SYTL5: variants seen among roughly 807,000 people sequenced by gnomAD.
SYTL5 encodes the protein synaptotagmin like 5.
A neutral mutation model predicts 55.9 loss-of-function variants in SYTL5; 34 were observed. The ratio of observed to expected loss-of-function variants is 0.61; its 90% CI spans 0.46 to 0.81. SYTL5 has a LOEUF of 0.81. Ranked by LOEUF, SYTL5 falls within the 30% of genes least tolerant of loss-of-function variation. The probability of loss-of-function intolerance (pLI) is 0.00; values close to 1 mark genes in which losing one functional copy is unlikely to be tolerated. For synonymous variants in SYTL5, 221 were observed against 188.7 expected, an observed-to-expected ratio of 1.17 and a Z score of -1.40; for missense variants, 637 against 546.7, an observed-to-expected ratio of 1.17 and a Z score of -1.65.
At position 38,052,146 on chromosome X, in the gene SYTL5, G is replaced by T. The variant is rs145738233; in HGVS notation, c.120-2067G>T. Among the ~76,000 whole-genome samples the T allele has an allele frequency of 3.4e-3, 379 of 111,919 alleles. 1 individual carries two copies. Among genetic ancestry groups the T allele is most frequent in the African/African-American group, 0.012 (362 of 30,776 alleles). On this transcript the variant is annotated intron_variant, in intron 2 of 16. Coordinates refer to ENST00000297875, the MANE Select transcript of SYTL5 (RefSeq NM_138780.3). ...GAACTGAAAGCCCAGGGAGTTGGAT[G>T]TGTTATGCCCAGGAATGATGTACTC... is the stretch of plus-strand genomic sequence containing the variant.
rs1302407258 is a variant in SYTL5, at chrX:38,128,233, G to A, written c.*1503G>A. 1 of 112,314 alleles carries A rather than the reference G, an allele frequency of 8.9e-6. No homozygotes were observed. Among genetic ancestry groups the A allele is most frequent in the Non-Finnish European group, 1.9e-5 (1 of 53,270 alleles). The allele number at this position is 112,314 out of a possible 1,213,427, so 9.3% of individuals were successfully genotyped here. A position where few individuals can be genotyped will look rare whatever the true frequency, so the allele number is the denominator to read the frequency against. On this transcript the variant is annotated 3_prime_UTR_variant, in exon 17 of 17. Coordinates refer to ENST00000297875, the MANE Select transcript of SYTL5 (RefSeq NM_138780.3). ...GATAACTTGCCCAAGGCCATATAGAGGCTGTGACTAAATCTGGACTTAAAT... is the reference window on the plus strand; with the variant it reads ...GATAACTTGCCCAAGGCCATATAGAAGCTGTGACTAAATCTGGACTTAAAT...
At chrX:37,984,272 T>C in the SYTL5 span, among the ~76,000 whole-genome samples, 9 of 111,739 alleles carry the variant, frequency 8.1e-5, no homozygotes, top group African/African-American at 2.6e-4. Flanking sequence ...AGAATTCATA[T>C]TGCTGGAATC....
At chrX:38,034,651 T>C (rs1935051703) in intron 2 of SYTL5, among the ~76,000 whole-genome samples, 1 of 111,953 alleles carries the variant, frequency 8.9e-6, no homozygotes. Flanking sequence ...CAGTTGAATT[T>C]CATATCCACT....
Position 38,108,644 on chromosome X carries a change from A to G in SYTL5, c.1379A>G (p.Lys460Arg). Residue 460 changes from lysine to arginine, a missense_variant, in exon 12 of 17, where the codon AAG (lysine) becomes AGG (arginine). Lys to Arg is a conservative substitution (Grantham distance 26). Transcript: ENST00000297875. Reference sequence around the variant, plus strand: ...CTTCCTGACAAGTCCCGGAACAACAAGCGTAAGACCAAAATCAGAACAGGC... The same window carrying G: ...CTTCCTGACAAGTCCCGGAACAACAGGCGTAAGACCAAAATCAGAACAGGC... ...YLLPDKSRNN[K>R]RKTKIRTGTN... 3 of 1,204,786 alleles carry G rather than the reference A, an allele frequency of 2.5e-6. No homozygotes were observed. The highest frequency in any genetic ancestry group is 3.4e-6 in the Non-Finnish European group (3 of 891,139).
At chrX:37,903,528 C>T in the SYTL5 span, among the ~76,000 whole-genome samples, 4 of 86,023 alleles carry the variant, frequency 4.6e-5, no homozygotes, top group Non-Finnish European at 8.7e-5. Context: ...GGAAGGGGAA[C>T]ATCACACACT....
At chrX:37,936,035 T>C in the SYTL5 span, among the ~76,000 whole-genome samples, 1 of 111,993 alleles carries the variant, frequency 8.9e-6, no homozygotes, top group African/African-American at 3.2e-5. Context: ...GAAAAAGATA[T>C]ACCATGCAAA....
At chrX:37,926,057 G>T in the SYTL5 span, among the ~76,000 whole-genome samples, 1 of 111,701 alleles carries the variant, frequency 9.0e-6, no homozygotes, top group Admixed American at 9.5e-5. Flanking sequence ...GAATTGTGAT[G>T]CTATAAACAT....
At chrX:37,904,029 A>T in the SYTL5 span, among the ~76,000 whole-genome samples, 40 of 111,140 alleles carry the variant, frequency 3.6e-4, 1 homozygote, top group East Asian at 0.011. Flanking sequence ...TAAACCTAGG[A>T]CCTAACACAA....
rs1935615685 is a variant in SYTL5, at chrX:38,051,257, A to G, written c.120-2956A>G. Among the ~76,000 whole-genome samples, 4 of 111,957 alleles carry G rather than the reference A, an allele frequency of 3.6e-5. No homozygotes were observed. The Admixed American group carries it at 3.8e-4, about 11-fold the overall frequency. Reference sequence around the variant, plus strand: ...TCTTTACAGGCTATGGGAAAGAGGTATAAATTTCATTAAAAATATAAAGGA... The same window carrying G: ...TCTTTACAGGCTATGGGAAAGAGGTGTAAATTTCATTAAAAATATAAAGGA... On this transcript the variant is annotated intron_variant, in intron 2 of 16. Transcript: ENST00000297875.
chrX:37,998,452 G>C, the SYTL5 span, among the ~76,000 whole-genome samples: 2 of 112,025 alleles, frequency 1.8e-5, no homozygotes, highest in Non-Finnish European at 3.8e-5. Context: ...AGCTGTGGAA[G>C]CTGCTTGTCG....
the SYTL5 span, among the ~76,000 whole-genome samples, chrX:37,943,178 A>G: frequency 7.1e-5 from 8 of 112,434 alleles, no homozygotes; most frequent in African/African-American, 2.6e-4. Flanking sequence ...TACATTTGTT[A>G]AAGGGAAGAC....
intron 6 of SYTL5, among the ~76,000 whole-genome samples, chrX:38,080,394 C>T (rs758302251): frequency 1.8e-5 from 2 of 111,551 alleles, no homozygotes; most frequent in Non-Finnish European, 3.8e-5. Context: ...TGTTTGGTCT[C>T]GTAACCAACT....
Position 38,102,548 on chromosome X carries a change from G to A in SYTL5, c.1155+114G>A. 1.5e-5 allele frequency: 8 copies of A among 528,609 alleles called. No individual in the cohort carries two copies. The South Asian group carries it at 2.5e-4, about 17-fold the overall frequency. 43.6% of individuals were successfully genotyped at this position (528,609 alleles called of 1,213,427 possible). A position where few individuals can be genotyped will look rare whatever the true frequency, so the allele number is the denominator to read the frequency against. On this transcript the variant is annotated intron_variant, in intron 10 of 16. Coordinates refer to ENST00000297875, the MANE Select transcript of SYTL5 (RefSeq NM_138780.3). ...GAAAATGTGTGATAATGAGTTAAAA[G>A]TCATTGTAAGATCCTGCTTGCCCTT...
intron 1 of SYTL5, among the ~76,000 whole-genome samples, chrX:38,017,611 C>T (rs1420483605): frequency 9.1e-6 from 1 of 109,745 alleles, no homozygotes; most frequent in Admixed American, 9.7e-5. Flanking sequence ...TGCTTATTCT[C>T]ATGGCCCGAT....
At chrX:38,006,265 C>G (rs893820992), upstream of SYTL5, among the ~76,000 whole-genome samples, 1 of 111,541 alleles carries the variant, frequency 9.0e-6, no homozygotes, top group Non-Finnish European at 1.9e-5. Context: ...TCACGTTTCT[C>G]CCAGGTTTTT....
At chrX:38,090,112 C>A (rs1299335253) in intron 7 of SYTL5, among the ~76,000 whole-genome samples, 1 of 111,979 alleles carries the variant, frequency 8.9e-6, no homozygotes, top group Non-Finnish European at 1.9e-5. Context: ...AGACCAGGTT[C>A]AAAGGTAGCA....
the SYTL5 span, among the ~76,000 whole-genome samples, chrX:37,904,269 G>T: frequency 8.5e-5 from 9 of 105,510 alleles, no homozygotes; most frequent in South Asian, 9.4e-4. Flanking sequence ...GTGGTCCGGG[G>T]GGGGGGGTGA....
chrX:38,122,272 G>T, intron 15 of SYTL5, 57 bp downstream of exon 15: 1 of 1,086,883 alleles, frequency 9.2e-7, no homozygotes, highest in Non-Finnish European at 1.3e-6. Context: ...AAGGATCTGT[G>T]ATCCACAAGC....
chrX:38,107,944 T>C (rs1390664093), intron 11 of SYTL5, among the ~76,000 whole-genome samples: 1 of 112,478 alleles, frequency 8.9e-6, no homozygotes, highest in East Asian at 2.8e-4. Flanking sequence ...ATCTTGTACA[T>C]TTCTGAGTCT....
Sources: allele counts gnomAD v4.1 joint callset (sites outside exome capture counted in the v4.1 genomes callset), GRCh38; gene constraint gnomAD v4.1.1; transcripts MANE v1.5; gene names NCBI Gene and HGNC (gene_info 2026-07-23, HGNC 2026-07-21).